The following SCRG1 variants were observed in gnomAD, a reference collection of about 807,000 sequenced individuals.
The protein encoded by SCRG1 is stimulator of chondrogenesis 1.
In SCRG1, 3 loss-of-function variants were observed where a neutral mutation model predicts 7.7. The observed-to-expected ratio is 0.39, with a 90% confidence interval of 0.18 to 1.01. SCRG1 has a LOEUF of 1.01. Ranked by LOEUF, SCRG1 falls within the 50% of genes least tolerant of loss-of-function variation. The probability of loss-of-function intolerance (pLI) is 0.36; values close to 1 mark genes in which losing one functional copy is unlikely to be tolerated. For synonymous variants in SCRG1, 46 were observed against 41.2 expected, an observed-to-expected ratio of 1.12 and a Z score of -0.44; for missense variants, 110 against 117.2, an observed-to-expected ratio of 0.94 and a Z score of 0.28.
At chr4:173,409,968 C>A (rs1740006015), upstream of SCRG1, among the ~76,000 whole-genome samples, 2 of 152,272 alleles carry the variant, frequency 1.3e-5, no homozygotes, top group South Asian at 4.1e-4. Flanking sequence ...TGTGGCCTTA[C>A]AATGGATGTT....
chr4:173,431,023 G>A, the SCRG1 span, among the ~76,000 whole-genome samples: 1 of 152,076 alleles, frequency 6.6e-6, no homozygotes, highest in South Asian at 2.1e-4. Flanking sequence ...TGGGTACAAT[G>A]TTCATGATTT....
rs1255252513 is a variant in SCRG1, at chr4:173,388,348, T to C, written c.290A>G (p.Asn97Ser). The change falls in exon 3 of 3, where the codon AAT (asparagine) becomes AGT (serine). Residue 97 changes from asparagine (N) to serine (S), a missense_variant. Coordinates refer to ENST00000296506, the MANE Select transcript of SCRG1 (RefSeq NM_007281.4). ...PKISFVIPCN[N>S]Q The stretch of plus-strand genomic sequence containing the variant: ...CAGAATACATGAAGATTCTCATTGA[T>C]TGTTGCAAGGAATCACGAAAGAGAT... 8 of 1,611,594 alleles carry C rather than the reference T, an allele frequency of 5.0e-6. No homozygotes were observed. Among genetic ancestry groups the C allele is most frequent in the Non-Finnish European group, 6.8e-6 (8 of 1,178,354 alleles).
At chr4:173,446,842 A>AT in the SCRG1 span, 1 of 152,202 alleles carries the variant, frequency 6.6e-6, no homozygotes. Flanking sequence ...AACAAGCCTC[A>AT]TTTTTTTCAT....
chr4:173,456,508 A>T, the SCRG1 span, among the ~76,000 whole-genome samples: 6 of 152,146 alleles, frequency 3.9e-5, 1 homozygote, highest in African/African-American at 1.4e-4. Flanking sequence ...ATCACCTATA[A>T]CACACACGTG....
At chr4:173,473,030 ATTAG>A in the SCRG1 span, among the ~76,000 whole-genome samples, 1 of 152,162 alleles carries the variant, frequency 6.6e-6, no homozygotes, top group Non-Finnish European at 1.5e-5. Flanking sequence ...TTAAGGAAAA[ATTAG>A]TTAGCCATTG....
the SCRG1 span, among the ~76,000 whole-genome samples, chr4:173,431,535 C>G: frequency 6.6e-6 from 1 of 152,200 alleles, no homozygotes; most frequent in East Asian, 1.9e-4. Flanking sequence ...TGGAAGCTTG[C>G]TGGGGCAATA....
intron 1 of SCRG1, among the ~76,000 whole-genome samples, chr4:173,405,357 G>A (rs192524750): frequency 1.4e-4 from 21 of 152,252 alleles, no homozygotes; most frequent in African/African-American, 5.1e-4. Context: ...GGTCAGGAAC[G>A]TGACTTATCA....
At chr4:173,407,517 A>T (rs1406232570), upstream of SCRG1, among the ~76,000 whole-genome samples, 1 of 152,230 alleles carries the variant, frequency 6.6e-6, no homozygotes, top group Non-Finnish European at 1.5e-5. Context: ...CCTGGGCAAC[A>T]GAGTGAGACT....
the SCRG1 span, among the ~76,000 whole-genome samples, chr4:173,480,725 G>A: frequency 1.3e-5 from 2 of 152,046 alleles, no homozygotes; most frequent in African/African-American, 2.4e-5. Flanking sequence ...TTATTAAGTG[G>A]CATATATTGG....
the SCRG1 span, among the ~76,000 whole-genome samples, chr4:173,415,937 C>T: frequency 1.4e-4 from 21 of 152,118 alleles, no homozygotes; most frequent in Non-Finnish European, 2.8e-4. Context: ...CGAAAGAAAA[C>T]ATATTTTGAA....
chr4:173,389,362 T>G lies in SCRG1; in HGVS notation c.243-967A>C, dbSNP rs974899622. Among the ~76,000 whole-genome samples the G allele has an allele frequency of 1.3e-4, 19 of 151,934 alleles. 1 individual carries two copies. The highest frequency in any genetic ancestry group is 2.1e-4 in the South Asian group (1 of 4,824). ...ATCCTGACCAACACGGTGAAACCCC[T>G]TCTCTACTAAAAATACAAAAAGAAT... On this transcript the variant is annotated intron_variant, in intron 2 of 2. Transcript: ENST00000296506.
At chr4:173,440,988 G>C in the SCRG1 span, among the ~76,000 whole-genome samples, 1 of 151,866 alleles carries the variant, frequency 6.6e-6, no homozygotes, top group Non-Finnish European at 1.5e-5. Flanking sequence ...ACTTGATTCG[G>C]TCTGAAAGTA....
the SCRG1 span, among the ~76,000 whole-genome samples, chr4:173,425,536 G>T: frequency 6.6e-6 from 1 of 152,128 alleles, no homozygotes; most frequent in Non-Finnish European, 1.5e-5. Flanking sequence ...GTGTTCCCTA[G>T]GGGGCAGGTA....
chr4:173,506,901 C>T, the SCRG1 span, among the ~76,000 whole-genome samples: 2 of 152,194 alleles, frequency 1.3e-5, no homozygotes, highest in East Asian at 3.9e-4. The surrounding 1 kb of genome is among the most constrained non-coding windows in gnomAD (Gnocchi z 5.3). Flanking sequence ...GGAACCGTCG[C>T]TTCTCCCCGG....
chr4:173,488,365 G>A, the SCRG1 span, among the ~76,000 whole-genome samples: 1 of 152,122 alleles, frequency 6.6e-6, no homozygotes, highest in Non-Finnish European at 1.5e-5. Flanking sequence ...TAACTTGGTA[G>A]GTGATGTTGG....
chr4:173,510,978 TG>T, the SCRG1 span, among the ~76,000 whole-genome samples: 1 of 152,232 alleles, frequency 6.6e-6, no homozygotes, highest in Non-Finnish European at 1.5e-5. The surrounding 1 kb of genome is among the most constrained non-coding windows in gnomAD (Gnocchi z 5.7). Context: ...CTTCTTTTTT[TG>T]TTTTTGAAAC....
chr4:173,513,216 T>C, the SCRG1 span, among the ~76,000 whole-genome samples: 1 of 152,206 alleles, frequency 6.6e-6, no homozygotes, highest in African/African-American at 2.4e-5. Flanking sequence ...TTTTTACTTC[T>C]TTTATTTCTC....
chr4:173,414,803 G>A, the SCRG1 span, among the ~76,000 whole-genome samples: 204 of 152,310 alleles, frequency 1.3e-3, 5 homozygotes, highest in South Asian at 0.041. Context: ...TTGTAAAGGT[G>A]CAACATCATC....
upstream of SCRG1, among the ~76,000 whole-genome samples, chr4:173,409,587 A>G (rs1420787758): frequency 1.2e-5 from 1 of 85,422 alleles, no homozygotes; most frequent in Non-Finnish European, 2.1e-5. Flanking sequence ...TTCCCTGCAT[A>G]CTTTTTTTTT....
Sources: gnomAD v4.1 joint callset for allele counts (sites outside exome capture counted in the v4.1 genomes callset) on GRCh38, gnomAD v4.1.1 for gene constraint, Gnocchi (gnomAD v3.1) non-coding constraint, MANE v1.5 for transcripts, NCBI Gene and HGNC (gene_info 2026-07-23, HGNC 2026-07-21) for gene names.